METTL15: variants seen among roughly 807,000 people sequenced by gnomAD.
METTL15 encodes the protein 12S rRNA N(4)-cytidine methyltransferase METTL15.
METTL15 carries 34 observed loss-of-function variants against 38.3 expected under a neutral mutation model. The observed-to-expected ratio is 0.89, with a 90% CI of 0.68 to 1.18. The LOEUF (loss-of-function observed/expected upper bound fraction) is 1.18, where lower values mean the gene tolerates loss of function less well. Ranked by LOEUF, METTL15 falls within the 50% of genes most tolerant of loss-of-function variation. METTL15 has a pLI of 0.00. For synonymous variants in METTL15, 162 were observed against 170.9 expected (o/e 0.95, Z 0.41); for missense variants, 438 against 498.4 (o/e 0.88, Z 1.15).
intron 6 of METTL15, among the ~76,000 whole-genome samples, chr11:28,484,051 T>C (rs1851418212): frequency 6.6e-6 from 1 of 152,122 alleles, no homozygotes; most frequent in African/African-American, 2.4e-5. Flanking sequence ...TATTAGGAGC[T>C]AGAAGATATA....
chr11:28,244,911 A>G (rs966619247), intron 4 of METTL15, among the ~76,000 whole-genome samples: 13 of 152,110 alleles, frequency 8.5e-5, no homozygotes, highest in Admixed American at 2.6e-4. Flanking sequence ...CTTTCTTCTG[A>G]TATTTTGGTA....
intron 6 of METTL15, among the ~76,000 whole-genome samples, chr11:28,311,180 T>A (rs531224669): frequency 1.4e-4 from 22 of 152,242 alleles, no homozygotes; most frequent in African/African-American, 5.3e-4. Context: ...GTTTTGCTAC[T>A]TAATGGTTAT....
chr11:28,474,815 G>T (rs977236199), intron 6 of METTL15, among the ~76,000 whole-genome samples: 12 of 152,166 alleles, frequency 7.9e-5, no homozygotes, highest in African/African-American at 2.9e-4. Flanking sequence ...CCCAAGTGAG[G>T]GTGAATGGTG....
chr11:28,433,848 C>A lies in METTL15; in HGVS notation c.*424+9484C>A, dbSNP rs1850958058. Among the ~76,000 whole-genome samples, 4 of 152,092 alleles carry A rather than the reference C, an allele frequency of 2.6e-5. 1 individual carries two copies. Among genetic ancestry groups the A allele is most frequent in the African/African-American group, 9.7e-5 (4 of 41,414 alleles). Reference sequence around the variant, plus strand: ...CCTTGATACGTCTTATAGATCAATCCTTTCTTCTCCAATACCACTGAGAAT... The same window carrying A: ...CCTTGATACGTCTTATAGATCAATCATTTCTTCTCCAATACCACTGAGAAT... On this transcript the variant is annotated intron_variant and NMD_transcript_variant, in intron 6 of 7. Coordinates refer to the METTL15 transcript ENST00000532947.
At chr11:28,442,895 A>G (rs1359193258) in intron 6 of METTL15, among the ~76,000 whole-genome samples, 3 of 152,240 alleles carry the variant, frequency 2.0e-5, no homozygotes, top group Non-Finnish European at 4.4e-5. Flanking sequence ...AAAAGTAATG[A>G]ATGTTCATTA....
chr11:28,342,102 G>A (rs1485585099), intron 3 of METTL15, among the ~76,000 whole-genome samples: 9 of 152,108 alleles, frequency 5.9e-5, no homozygotes, highest in African/African-American at 2.2e-4. Flanking sequence ...AAAAAAGAGT[G>A]ACAACTTACA....
chr11:28,413,166 C>G (rs995907836), intron 5 of METTL15, among the ~76,000 whole-genome samples: 2 of 151,686 alleles, frequency 1.3e-5, no homozygotes, highest in African/African-American at 4.8e-5. Context: ...CCATTTATAC[C>G]CATTTAATAC....
chr11:28,470,190 A>C (rs182036419), intron 6 of METTL15, among the ~76,000 whole-genome samples: 53 of 152,264 alleles, frequency 3.5e-4, no homozygotes, highest in Admixed American at 3.1e-3. Context: ...TCATCAATAC[A>C]TTTGCAGTGA....
intron 6 of METTL15, among the ~76,000 whole-genome samples, chr11:28,474,430 A>G (rs554467627): frequency 1.3e-5 from 2 of 152,292 alleles, no homozygotes; most frequent in South Asian, 4.1e-4. Flanking sequence ...AAAATGCTAT[A>G]GAAGTAAATA....
At position 28,332,661 on chromosome 11, in the gene METTL15, AAG is replaced by A. The variant is rs1157715961; in HGVS notation, c.*1824_*1825del. 6.7e-6 allele frequency: 1 copy of A among 150,132 alleles called. No individual in the cohort carries two copies. Among genetic ancestry groups the A allele is most frequent in the Non-Finnish European group, 1.5e-5 (1 of 67,832 alleles). 9.3% of individuals were successfully genotyped at this position (150,132 alleles called of 1,614,324 possible). A position where few individuals can be genotyped will look rare whatever the true frequency, so the allele number is the denominator to read the frequency against. ...ATCCAATATGACTGGTGTTCCTTATAAGAGAAGATAGGGCGGGCATGGTGGCT... is the reference window on the plus strand; with the variant it reads ...ATCCAATATGACTGGTGTTCCTTATAAGAAGATAGGGCGGGCATGGTGGCT... On this transcript the variant is annotated 3_prime_UTR_variant, in exon 7 of 7. Coordinates refer to ENST00000407364, the MANE Select transcript of METTL15 (RefSeq NM_001113528.2).
chr11:28,308,728 G>C (rs1186212062), intron 6 of METTL15, among the ~76,000 whole-genome samples: 1 of 151,992 alleles, frequency 6.6e-6, no homozygotes, highest in Non-Finnish European at 1.5e-5. Context: ...TATCACCAAA[G>C]CATGATAACG....
At chr11:28,344,565 T>C in intron 3 of METTL15, among the ~76,000 whole-genome samples, 1 of 152,210 alleles carries the variant, frequency 6.6e-6, no homozygotes, top group East Asian at 1.9e-4. Flanking sequence ...CCCAGTGATA[T>C]GTCAAAGGGT....
chr11:28,373,216 A>C (rs1427040255), intron 5 of METTL15, among the ~76,000 whole-genome samples: 1 of 152,040 alleles, frequency 6.6e-6, no homozygotes, highest in Non-Finnish European at 1.5e-5. Context: ...AAAATGGTTG[A>C]ACTAGTTTAC....
At chr11:28,259,174 C>G (rs956828379) in intron 4 of METTL15, among the ~76,000 whole-genome samples, 1 of 152,046 alleles carries the variant, frequency 6.6e-6, no homozygotes, top group East Asian at 1.9e-4. Flanking sequence ...AAATGTCATC[C>G]AAGAGCTAGA....
chr11:28,239,816 C>G (rs991551143), intron 4 of METTL15, among the ~76,000 whole-genome samples: 2 of 152,164 alleles, frequency 1.3e-5, no homozygotes, highest in Non-Finnish European at 2.9e-5. Flanking sequence ...TACAAGTCAA[C>G]TGTAGTATTT....
chr11:28,335,528 T>A (rs1285307438), downstream of METTL15, among the ~76,000 whole-genome samples: 1 of 152,216 alleles, frequency 6.6e-6, no homozygotes, highest in Non-Finnish European at 1.5e-5. Context: ...ATTTTGGAGA[T>A]GCTTTATTTG....
At chr11:28,140,031 C>T (rs1590795793) in intron 3 of METTL15, among the ~76,000 whole-genome samples, 1 of 152,150 alleles carries the variant, frequency 6.6e-6, no homozygotes, top group African/African-American at 2.4e-5. Context: ...TTGGATGGAG[C>T]ATGTGCATGT....
At chr11:28,395,453 C>A (rs1211012743) in intron 5 of METTL15, among the ~76,000 whole-genome samples, 1 of 151,984 alleles carries the variant, frequency 6.6e-6, no homozygotes, top group Non-Finnish European at 1.5e-5. Flanking sequence ...CTCACCCCAC[C>A]TATTTCAGGA....
Position 28,322,558 on chromosome 11 carries a change from A to G in METTL15, c.779-7838A>G, listed in dbSNP as rs112773242. On this transcript the variant is annotated intron_variant, in intron 6 of 6. Transcript: ENST00000407364. ...GGAGATGGACTCTCATATACTATTG[A>G]TGGAAGTAAATTGGTATAATCTATT... Among the ~76,000 whole-genome samples, 197 of 152,258 alleles carry G rather than the reference A, an allele frequency of 1.3e-3. 2 individuals carry two copies. Among genetic ancestry groups the G allele is most frequent in the African/African-American group, 4.5e-3 (189 of 41,576 alleles).
Sources: gnomAD v4.1 joint callset for allele counts (sites outside exome capture counted in the v4.1 genomes callset) on GRCh38, gnomAD v4.1.1 for gene constraint, MANE v1.5 for transcripts, NCBI Gene and HGNC (gene_info 2026-07-23, HGNC 2026-07-21) for gene names.